The following CCT2 variants were observed in gnomAD, a reference collection of about 807,000 sequenced individuals.
The protein encoded by CCT2 is chaperonin containing TCP1 subunit 2.
In CCT2, 18 loss-of-function variants were observed where a neutral mutation model predicts 61.8. That is an observed-to-expected ratio of 0.29 (90% CI 0.20 to 0.43). CCT2 has a LOEUF of 0.43. CCT2 is among the 20% of genes least tolerant of loss of function. The pLI, the probability that CCT2 is intolerant of heterozygous loss-of-function variation, is 1.00. For synonymous variants in CCT2, 248 were observed against 215.9 expected, an observed-to-expected ratio of 1.15 and a Z score of -1.30; for missense variants, 556 against 656.9, an observed-to-expected ratio of 0.85 and a Z score of 1.68.
At position 69,585,537 on chromosome 12, in the gene CCT2, C is replaced by A. The variant is rs780270578; in HGVS notation, c.3+13C>A. On this transcript the variant is annotated intron_variant, in intron 1 of 15. Transcript: ENST00000299300. ...CCTCGGAACCATGGTGAGCCTGACT[C>A]CCCTGCCTCTTGCCCTACCCCTGCT... 6 of 1,571,444 alleles carry A rather than the reference C, an allele frequency of 3.8e-6. No individual in the cohort carries two copies. The highest frequency in any genetic ancestry group is 4.3e-6 in the Non-Finnish European group (5 of 1,157,460).
intron 10 of CCT2, among the ~76,000 whole-genome samples, 200 bp from the exon 11 acceptor site, chr12:69,596,956 A>G (rs1423790437): frequency 2.6e-5 from 4 of 152,198 alleles, no homozygotes; most frequent in Non-Finnish European, 5.9e-5. Flanking sequence ...ATAATAATGG[A>G]GCCTATCCAA....
chr12:69,586,360 A>C lies in CCT2; in HGVS notation c.78+16A>C. The C allele has an allele frequency of 6.3e-7, 1 of 1,593,122 alleles. No individual in the cohort carries two copies. Among genetic ancestry groups the C allele is most frequent in the South Asian group, 1.1e-5 (1 of 90,604 alleles). On this transcript the variant is annotated intron_variant, in intron 2 of 15. Coordinates refer to ENST00000299300, the MANE Select transcript of CCT2 (RefSeq NM_006431.3). ...AGCTCGTCTGGTAAGCCTTGTTCTAAGCATTGTTTTAAAGATAAAACTGGA... is the reference window on the plus strand; with the variant it reads ...AGCTCGTCTGGTAAGCCTTGTTCTACGCATTGTTTTAAAGATAAAACTGGA...
intron 7 of CCT2, among the ~76,000 whole-genome samples, chr12:69,590,120 A>G (rs930361986): frequency 3.3e-5 from 5 of 152,216 alleles, no homozygotes; most frequent in Non-Finnish European, 5.9e-5. Context: ...GGTTTTTTCA[A>G]TAAATATAGT....
chr12:69,586,230 T>C lies in CCT2; in HGVS notation c.4-40T>C, dbSNP rs1881650130. ...GCACCTCAGTGTATGTGTTAGAGTA[T>C]TGGTACTTAAACGGAATGCCTCTTG... On this transcript the variant is annotated intron_variant, in intron 1 of 15. Transcript: ENST00000299300. The C allele has an allele frequency of 2.1e-6, 3 of 1,440,118 alleles. No individual in the cohort carries two copies. The African/African-American group carries it at 4.2e-5, about 20-fold the overall frequency. The allele number at this position is 1,440,118 out of a possible 1,614,324, so 89.2% of individuals were successfully genotyped here. A position where few individuals can be genotyped will look rare whatever the true frequency, so the allele number is the denominator to read the frequency against.
intron 12 of CCT2, 46 bp downstream of exon 12, chr12:69,597,812 A>G (rs1192165809): frequency 1.9e-6 from 3 of 1,546,222 alleles, no homozygotes; most frequent in Non-Finnish European, 2.7e-6. Context: ...TTCTTAAAGT[A>G]CAATATAAGT....
chr12:69,597,612 G>A, intron 11 of CCT2, 26 bp from the exon 12 acceptor site: 2 of 1,607,434 alleles, frequency 1.2e-6, no homozygotes, highest in Non-Finnish European at 1.7e-6. Flanking sequence ...TTATCCCTAA[G>A]TGGTCACTGT....
At position 69,597,692 on chromosome 12, in the gene CCT2, C is replaced by A. The variant is rs1243867738; in HGVS notation, c.1157C>A (p.Ala386Glu). 1.2e-6 allele frequency: 2 copies of A among 1,613,514 alleles called. No homozygotes were observed. Among genetic ancestry groups the A allele is most frequent in the African/African-American group, 2.7e-5 (2 of 74,894 alleles). The change falls in exon 12 of 16, where the codon GCA becomes GAA. Residue 386 changes from alanine (A) to glutamate (E), a missense_variant. Around this residue, in one of 3 missense-constraint regions of CCT2, gnomAD observed 225 missense variants for 249.8 expected, o/e 0.90. Transcript: ENST00000299300. ...GCCACTCAACAAATTTTAGATGAAG[C>A]AGAAAGATCATTGCATGATGCTCTT... ...RGATQQILDE[A>E]ERSLHDALCV...
chr12:69,598,618 A>ACT, intron 14 of CCT2, among the ~76,000 whole-genome samples, 197 bp downstream of exon 14: 1 of 152,344 alleles, frequency 6.6e-6, no homozygotes, highest in East Asian at 1.9e-4. Flanking sequence ...TTGTTATTCC[A>ACT]TAAGACATGT....
At chr12:69,592,821 G>T in intron 8 of CCT2, 155 bp from the exon 9 acceptor site, 1 of 554,284 alleles carries the variant, frequency 1.8e-6, no homozygotes, top group Non-Finnish European at 3.1e-6. Flanking sequence ...CCAGCTGCTT[G>T]GAAGGCTGAG....
intron 13 of CCT2, 64 bp downstream of exon 13, chr12:69,598,135 G>C: frequency 7.9e-7 from 1 of 1,264,936 alleles, no homozygotes; most frequent in Non-Finnish European, 1.1e-6. Flanking sequence ...TTTAAAATGA[G>C]TAGAAAATGA....
At chr12:69,597,021 G>A (rs984762311) in intron 10 of CCT2, 135 bp from the exon 11 acceptor site, 11 of 670,988 alleles carry the variant, frequency 1.6e-5, no homozygotes, top group Non-Finnish European at 2.5e-5. Flanking sequence ...TAAAAAGAGT[G>A]CCAGGAATAT....
chr12:69,589,684 G>C lies in CCT2; in HGVS notation c.646G>C (p.Glu216Gln). 6.2e-7 allele frequency: 1 copy of C among 1,609,414 alleles called. No individual in the cohort carries two copies. The highest frequency in any genetic ancestry group is 1.1e-5 in the South Asian group (1 of 91,034). Reference protein sequence around the residue: ...GGSLADSYLDEGFLLDKKIGV... With the variant: ...GGSLADSYLDQGFLLDKKIGV... ...AAGTTTGGCAGATTCCTATTTAGAT[G>C]AAGGTATGTATGAATGTCAGATACA... The change falls in exon 7 of 16, where the codon GAA (glutamate) becomes CAA (glutamine). Residue 216 changes from glutamate to glutamine, a missense_variant. Glu to Gln is a conservative substitution (Grantham distance 29, BLOSUM62 2). Coordinates refer to ENST00000299300, the MANE Select transcript of CCT2 (RefSeq NM_006431.3).
intron 7 of CCT2, 52 bp downstream of exon 7, chr12:69,589,739 A>T (rs756749162): frequency 3.6e-6 from 5 of 1,383,216 alleles, no homozygotes; most frequent in Admixed American, 3.5e-5. Context: ...TGAGGGCTGA[A>T]TACTGAGTGA....
chr12:69,587,480 C>G, intron 3 of CCT2, 25 bp from the exon 4 acceptor site: 3 of 1,378,746 alleles, frequency 2.2e-6, no homozygotes, highest in Non-Finnish European at 3.1e-6. Flanking sequence ...TATGTCTTAA[C>G]TTGAACCAAT....
At chr12:69,589,464 T>C in intron 6 of CCT2, 21 bp from the exon 7 acceptor site, 1 of 1,585,958 alleles carries the variant, frequency 6.3e-7, no homozygotes, top group South Asian at 1.1e-5. Context: ...TTAATATGTA[T>C]ATTTGGTTGG....
intron 10 of CCT2, among the ~76,000 whole-genome samples, chr12:69,595,924 G>A (rs1369321239): frequency 9.9e-5 from 15 of 152,180 alleles, no homozygotes; most frequent in Admixed American, 9.8e-4. Flanking sequence ...TAAATGTCTT[G>A]CACTGGGCAT....
Position 69,601,505 on chromosome 12 carries a change from C to A in CCT2, c.*180C>A. 6.9e-7 allele frequency: 1 copy of A among 1,451,228 alleles called. No homozygotes were observed. The highest frequency in any genetic ancestry group is 1.4e-5 in the South Asian group (1 of 69,574). 89.9% of individuals were successfully genotyped at this position (1,451,228 alleles called of 1,614,324 possible). A position where few individuals can be genotyped will look rare whatever the true frequency, so the allele number is the denominator to read the frequency against. On this transcript the variant is annotated 3_prime_UTR_variant, in exon 16 of 16. Coordinates refer to ENST00000299300, the MANE Select transcript of CCT2 (RefSeq NM_006431.3). ...TTTATTTGCCGTGTCATTTTCCATA[C>A]AAATCAGTTGATTTAAAAAAGTTCA... is the stretch of plus-strand genomic sequence containing the variant.
intron 1 of CCT2, 45 bp downstream of exon 1, chr12:69,585,569 T>A: frequency 6.4e-7 from 1 of 1,562,908 alleles, no homozygotes; most frequent in Non-Finnish European, 8.7e-7. Context: ...TGCTCCGCCG[T>A]GCTCTTGCCA....
chr12:69,593,224 AT>A (rs1881888725), intron 9 of CCT2, 121 bp downstream of exon 9: 2 of 893,302 alleles, frequency 2.2e-6, no homozygotes, highest in Admixed American at 2.9e-5. Context: ...CACTTAAATT[AT>A]GGATTTTTGT....
Sources: allele counts gnomAD v4.1 joint callset (sites outside exome capture counted in the v4.1 genomes callset), GRCh38; gene constraint gnomAD v4.1.1; regional missense constraint gnomAD v4.1.1; transcripts MANE v1.5; gene names NCBI Gene and HGNC (gene_info 2026-07-23, HGNC 2026-07-21).